The following KIF13A variants were observed in gnomAD, a reference collection of about 807,000 sequenced individuals.
KIF13A encodes kinesin family member 13A, also known as kinesin-like protein KIF13A.
A neutral mutation model predicts 212.2 loss-of-function variants in KIF13A; 79 were observed. That is an observed-to-expected ratio of 0.37 (90% confidence interval 0.31 to 0.45). The LOEUF (loss-of-function observed/expected upper bound fraction) is 0.45. Among genes scored for constraint, KIF13A ranks in the 20% least tolerant of loss-of-function variants. The pLI is 1.00. For missense variants in KIF13A, 1,901 were observed against 2,209.0 expected, an observed-to-expected ratio of 0.86 and a Z score of 2.79; for synonymous variants, 789 against 808.6, an observed-to-expected ratio of 0.98 and a Z score of 0.41.
rs771364423 is a variant in KIF13A, at chr6:17,850,192, A to G, written c.717+131T>C. 3 of 823,878 alleles carry G rather than the reference A, an allele frequency of 3.6e-6. No individual in the cohort carries two copies. Among genetic ancestry groups the G allele is most frequent in the Non-Finnish European group, 5.3e-6 (3 of 561,478 alleles). 51.0% of individuals were successfully genotyped at this position (823,878 alleles called of 1,614,324 possible). ...TAACAAATTAAATGATAAGCAAAGT[A>G]GCTCACCTAGTAAGCAGAAGAGCCA... On this transcript the variant is annotated intron_variant, in intron 8 of 38. Transcript: ENST00000259711. This position sits in a 1 kb window ranked among gnomAD's most constrained non-coding sequence, Gnocchi z 6.2.
chr6:17,928,467 G>A (rs957464264), intron 2 of KIF13A, among the ~76,000 whole-genome samples: 12 of 152,114 alleles, frequency 7.9e-5, no homozygotes, highest in Non-Finnish European at 1.8e-4. Context: ...CCACATCAGA[G>A]GCCACCACCA....
intron 3 of KIF13A, among the ~76,000 whole-genome samples, chr6:17,896,513 A>G (rs1421663689): frequency 6.6e-6 from 1 of 152,080 alleles, no homozygotes; most frequent in African/African-American, 2.4e-5. Flanking sequence ...ATTTGATTCT[A>G]TTGTGTCATT....
In KIF13A at chr6:17,892,280, A is replaced by C. The variant is rs530774532; in HGVS notation, c.159+5888T>G. ...AAAGTCCTGGTTACTTTATTTCTGT[A>C]ATGTTTTCGTAATTCTTCCCTTCCT... On this transcript the variant is annotated intron_variant, in intron 3 of 38. Coordinates refer to ENST00000259711, the MANE Select transcript of KIF13A (RefSeq NM_022113.6). The surrounding 1 kb of genome is among the most constrained non-coding windows in gnomAD (Gnocchi z 4.7). Among the ~76,000 whole-genome samples, 2 of 152,202 alleles carry C rather than the reference A, an allele frequency of 1.3e-5. No homozygotes were observed. The highest frequency in any genetic ancestry group is 4.2e-4 in the South Asian group (2 of 4,804).
At chr6:17,831,022 C>T (rs1562028997) in intron 13 of KIF13A, 79 bp downstream of exon 13, 1 of 1,375,692 alleles carries the variant, frequency 7.3e-7, no homozygotes. Flanking sequence ...AGCAACATCA[C>T]AGAGACAGGC....
At chr6:17,790,478 C>A (rs1761438532) in intron 25 of KIF13A, among the ~76,000 whole-genome samples, 1 of 152,162 alleles carries the variant, frequency 6.6e-6, no homozygotes, top group African/African-American at 2.4e-5. Flanking sequence ...AGGCCTTATA[C>A]CACTGTCATA....
rs78159264 is a variant in KIF13A at position 17,843,173 on chromosome 6, A to G, written c.831-5590T>C. ...ATGCAATTACTGTGCTTGGTTTATG[A>G]CTGAAAGCACTCAGTAAATATCTGC... On this transcript the variant is annotated intron_variant, in intron 9 of 38. Coordinates refer to ENST00000259711, the MANE Select transcript of KIF13A (RefSeq NM_022113.6). This position sits in a 1 kb window ranked among gnomAD's most constrained non-coding sequence, Gnocchi z 5.3. Among the ~76,000 whole-genome samples, 3,249 of 152,266 alleles carry G rather than the reference A, an allele frequency of 0.021. 48 individuals are homozygous for G. Among genetic ancestry groups the G allele is most frequent in the Non-Finnish European group, 0.035 (2,350 of 68,020 alleles).
chr6:17,791,504 T>C (rs1157564193), intron 25 of KIF13A, among the ~76,000 whole-genome samples: 1 of 152,122 alleles, frequency 6.6e-6, no homozygotes. Context: ...TTTTAAGCAC[T>C]ATGCTCTTAA....
chr6:17,848,385 C>G (rs1767277374), intron 9 of KIF13A, among the ~76,000 whole-genome samples: 1 of 151,904 alleles, frequency 6.6e-6, no homozygotes, highest in Non-Finnish European at 1.5e-5. Flanking sequence ...ATCCATTAAC[C>G]AACCTCTCGT....
At chr6:17,784,869 G>A (rs1217898087) in intron 28 of KIF13A, among the ~76,000 whole-genome samples, 6 of 152,130 alleles carry the variant, frequency 3.9e-5, no homozygotes, top group African/African-American at 9.7e-5. Flanking sequence ...AACAGACCAC[G>A]AAACTGATTA....
In KIF13A at chr6:17,794,514, T is replaced by C. The variant is rs1761868977; in HGVS notation, c.3075+58A>G. ...ATAGTTAGAAAATCCCCAGAAACAA[T>C]GTGTAAGAGTGGAACAGAGAGAAAA... On this transcript the variant is annotated intron_variant, in intron 24 of 38. Coordinates refer to ENST00000259711, the MANE Select transcript of KIF13A (RefSeq NM_022113.6). This position sits in a 1 kb window ranked among gnomAD's most constrained non-coding sequence, Gnocchi z 4.1. 10 of 1,564,816 alleles carry C rather than the reference T, an allele frequency of 6.4e-6. No homozygotes were observed. In the East Asian group the frequency reaches 2.0e-4, roughly 32 times the overall value.
Position 17,804,527 on chromosome 6 carries a change from G to C in KIF13A, c.2305-17C>G, listed in dbSNP as rs1212843878. ...TCTCTTTGCCTGAGAAGTAGGAGGG[G>C]CCAGTGAGTGGACGAATAAGAAACA... On this transcript the variant is annotated splice_polypyrimidine_tract_variant and intron_variant, in intron 19 of 38. Coordinates refer to ENST00000259711, the MANE Select transcript of KIF13A (RefSeq NM_022113.6). 1 of 1,563,852 alleles carries C rather than the reference G, an allele frequency of 6.4e-7. No homozygotes were observed. Among genetic ancestry groups the C allele is most frequent in the African/African-American group, 1.4e-5 (1 of 73,638 alleles).
intron 31 of KIF13A, among the ~76,000 whole-genome samples, chr6:17,780,019 T>C (rs1055036235): frequency 3.3e-5 from 5 of 152,178 alleles, no homozygotes; most frequent in Admixed American, 2.6e-4. Flanking sequence ...GTGCTGGGAC[T>C]ACAGGCGTGA....
At chr6:17,808,449 T>C (rs1373331151) in intron 18 of KIF13A, among the ~76,000 whole-genome samples, 5 of 152,128 alleles carry the variant, frequency 3.3e-5, no homozygotes, top group African/African-American at 1.2e-4. Flanking sequence ...TATTCCCCCA[T>C]TTCAGAAAGG....
Position 17,951,785 on chromosome 6 carries a change from G to A in KIF13A, c.146+35269C>T, listed in dbSNP as rs189162307. On this transcript the variant is annotated intron_variant, in intron 2 of 38. Coordinates refer to ENST00000259711, the MANE Select transcript of KIF13A (RefSeq NM_022113.6). The surrounding 1 kb of genome is among the most constrained non-coding windows in gnomAD (Gnocchi z 4.9). The stretch of plus-strand genomic sequence containing the variant: ...CAAAAAGTTCATCAATGTTATATAT[G>A]GCATGTCACCACTTTAATCCATTTT... Among the ~76,000 whole-genome samples the A allele has an allele frequency of 1.2e-4, 19 of 152,136 alleles. No individual in the cohort carries two copies. Among genetic ancestry groups the A allele is most frequent in the Admixed American group, 9.8e-4 (15 of 15,280 alleles).
intron 23 of KIF13A, among the ~76,000 whole-genome samples, chr6:17,796,101 C>T (rs951425132): frequency 6.6e-6 from 1 of 151,070 alleles, no homozygotes; most frequent in African/African-American, 2.4e-5. Flanking sequence ...TCTCATTTTA[C>T]AAACGAGGAA....
chr6:17,971,483 G>A lies in KIF13A; in HGVS notation c.146+15571C>T, dbSNP rs1779803658. 6.6e-6 allele frequency among the ~76,000 whole-genome samples: 1 copy of A among 151,906 alleles called. No homozygotes were observed. On this transcript the variant is annotated intron_variant, in intron 2 of 38. Coordinates refer to ENST00000259711, the MANE Select transcript of KIF13A (RefSeq NM_022113.6). The surrounding 1 kb of genome is among the most constrained non-coding windows in gnomAD (Gnocchi z 4.2). ...GTCGCCCAGGCTGGAGTGCAGTGGT[G>A]TAATCATGGCTCACTGCAGCCTAGA...
intron 3 of KIF13A, among the ~76,000 whole-genome samples, chr6:17,893,513 C>G (rs996535526): frequency 6.6e-6 from 1 of 152,180 alleles, no homozygotes; most frequent in Non-Finnish European, 1.5e-5. Context: ...AGTATACAAC[C>G]TTATTGTACC....
intron 2 of KIF13A, chr6:17,950,355 A>G: frequency 1.1e-6 from 1 of 936,020 alleles, no homozygotes; most frequent in Non-Finnish European, 1.3e-6. Context: ...CAAACCTTAT[A>G]TATTTGGTTA....
intron 2 of KIF13A, among the ~76,000 whole-genome samples, chr6:17,981,179 T>C (rs1301627420): frequency 2.6e-5 from 4 of 152,022 alleles, no homozygotes; most frequent in Non-Finnish European, 5.9e-5. Context: ...GACTCATTAG[T>C]GGGTTGAGAA....
Sources: allele counts gnomAD v4.1 joint callset (sites outside exome capture counted in the v4.1 genomes callset), GRCh38; gene constraint gnomAD v4.1.1; non-coding constraint Gnocchi (gnomAD v3.1); transcripts MANE v1.5; gene names NCBI Gene and HGNC (gene_info 2026-07-23, HGNC 2026-07-21).